EBF3: variants seen among roughly 807,000 people sequenced by gnomAD.
EBF3 encodes the protein EBF transcription factor 3.
A neutral mutation model predicts 77.1 loss-of-function variants in EBF3; 18 were observed. That is an observed-to-expected ratio of 0.23 (90% confidence interval 0.16 to 0.35). The LOEUF (loss-of-function observed/expected upper bound fraction) is 0.35, where lower values mean the gene tolerates loss of function less well. Ranked by LOEUF, EBF3 falls within the 10% of genes least tolerant of loss-of-function variation. EBF3 has a pLI of 1.00. For missense variants in EBF3, 558 were observed against 860.0 expected, an observed-to-expected ratio of 0.65 and a Z score of 4.39; for synonymous variants, 350 against 343.5, an observed-to-expected ratio of 1.02 and a Z score of -0.21.
At chr10:129,920,973 C>G (rs960571243) in intron 6 of EBF3, among the ~76,000 whole-genome samples, 11 of 152,120 alleles carry the variant, frequency 7.2e-5, no homozygotes, top group Admixed American at 6.5e-4. Flanking sequence ...TGTTGTGAGC[C>G]TGAGGTGCCC....
chr10:129,840,204 A>G (rs376749781), intron 15 of EBF3, 41 bp downstream of exon 15: 73 of 775,066 alleles, frequency 9.4e-5, no homozygotes, highest in Non-Finnish European at 1.5e-4. Context: ...CCACCCCTGG[A>G]GAGGACCCAG....
chr10:129,950,799 CAA>C lies in EBF3; in HGVS notation c.554+6457_554+6458del, dbSNP rs556920187. Among the ~76,000 whole-genome samples, 86 of 152,246 alleles carry C rather than the reference CAA, an allele frequency of 5.6e-4. No homozygotes were observed. The South Asian group carries it at 0.018, about 31-fold the overall frequency. On this transcript the variant is annotated intron_variant, in intron 6 of 16. Transcript: ENST00000440978. ...GAGATTTGCTATTAAGATAAACAAA[CAA>C]GAGGAGCTTGTGTTCTGGCAAGCTG...
At chr10:129,934,970 C>A (rs1165974390) in intron 6 of EBF3, among the ~76,000 whole-genome samples, 1 of 152,114 alleles carries the variant, frequency 6.6e-6, no homozygotes, top group East Asian at 1.9e-4. Flanking sequence ...GGTGAGCTCA[C>A]CTTGAACAAG....
chr10:129,889,375 G>A (rs945950709), intron 6 of EBF3, among the ~76,000 whole-genome samples: 1 of 152,246 alleles, frequency 6.6e-6, no homozygotes, highest in African/African-American at 2.4e-5. Flanking sequence ...AAACGCCAGG[G>A]TGGGCGGGCA....
At chr10:129,957,107 G>T in intron 6 of EBF3, 151 bp downstream of exon 6, 1 of 614,792 alleles carries the variant, frequency 1.6e-6, no homozygotes. Context: ...ACCCACCTGT[G>T]CATGATAACA....
intron 6 of EBF3, among the ~76,000 whole-genome samples, chr10:129,942,552 G>T (rs1486581452): frequency 6.6e-6 from 1 of 152,158 alleles, no homozygotes; most frequent in Non-Finnish European, 1.5e-5. Flanking sequence ...GGGACAGTCA[G>T]GTCAAACCCA....
At position 129,935,019 on chromosome 10, in the gene EBF3, T is replaced by C. The variant is rs955897629; in HGVS notation, c.554+22239A>G. Among the ~76,000 whole-genome samples the C allele has an allele frequency of 3.9e-5, 6 of 152,172 alleles. No homozygotes were observed. In the South Asian group the frequency reaches 1.0e-3, roughly 26 times the overall value. Reference sequence around the variant, plus strand: ...CCTGGTGGTGATCTAACTAGATCAATAACAAGTAATGTTTAAGATAAGTAC... The same window carrying C: ...CCTGGTGGTGATCTAACTAGATCAACAACAAGTAATGTTTAAGATAAGTAC... On this transcript the variant is annotated intron_variant, in intron 6 of 16. Transcript: ENST00000440978. This position sits in a 1 kb window ranked among gnomAD's most constrained non-coding sequence, Gnocchi z 4.2.
chr10:129,886,678 C>T (rs1009386318), intron 6 of EBF3, among the ~76,000 whole-genome samples: 2 of 151,986 alleles, frequency 1.3e-5, no homozygotes, highest in East Asian at 1.9e-4. Flanking sequence ...TTTTGCAGGT[C>T]GTCATTGTCT....
At chr10:129,959,028 G>A (rs1442157226) in intron 4 of EBF3, 21 bp from the exon 5 acceptor site, 2 of 1,596,598 alleles carry the variant, frequency 1.3e-6, no homozygotes, top group African/African-American at 1.4e-5. Context: ...GACAAGCAGA[G>A]GCTGGGGTTA....
At chr10:129,847,357 G>A (rs537022221) in intron 11 of EBF3, among the ~76,000 whole-genome samples, 9 of 152,180 alleles carry the variant, frequency 5.9e-5, no homozygotes, top group South Asian at 2.1e-4. Flanking sequence ...GATTCTTCCC[G>A]GGGAAACACT....
chr10:129,959,265 A>C (rs2134626564), intron 4 of EBF3, among the ~76,000 whole-genome samples: 1 of 151,916 alleles, frequency 6.6e-6, no homozygotes, highest in Admixed American at 6.5e-5. Flanking sequence ...GGCTGCAGGG[A>C]AGGCGCCGAC....
At position 129,838,787 on chromosome 10, in the gene EBF3, G is replaced by A. The variant is rs554365173; in HGVS notation, c.1872+296C>T. 3.3e-5 allele frequency among the ~76,000 whole-genome samples: 5 copies of A among 152,356 alleles called. No homozygotes were observed. In the South Asian group the frequency reaches 6.2e-4, roughly 19 times the overall value. ...AATACATTTGTTCATGTAGTGACGT[G>A]AGCTTCAATTTCTCAGTTCATTAAT... On this transcript the variant is annotated intron_variant, in intron 16 of 16. Transcript: ENST00000440978.
At chr10:129,866,223 G>T (rs1852004581) in intron 10 of EBF3, among the ~76,000 whole-genome samples, 1 of 152,136 alleles carries the variant, frequency 6.6e-6, no homozygotes, top group African/African-American at 2.4e-5. Context: ...CCGGGCTCAG[G>T]TGATCCTCCC....
At chr10:129,886,765 G>C (rs544787143) in intron 6 of EBF3, among the ~76,000 whole-genome samples, 227 of 152,110 alleles carry the variant, frequency 1.5e-3, no homozygotes, top group Non-Finnish European at 2.7e-3. Flanking sequence ...GGTCTGCAGG[G>C]GAGTTAGCTC....
intron 6 of EBF3, among the ~76,000 whole-genome samples, chr10:129,949,412 A>G (rs1858490984): frequency 1.3e-5 from 2 of 152,204 alleles, no homozygotes; most frequent in Admixed American, 1.3e-4. Context: ...CAGTGCCAAG[A>G]AGACTAAGCC....
intron 6 of EBF3, among the ~76,000 whole-genome samples, chr10:129,918,506 G>T (rs1856044999): frequency 6.6e-6 from 1 of 152,222 alleles, no homozygotes; most frequent in South Asian, 2.1e-4. Context: ...AAGTAATGGA[G>T]CTTGGAGCTG....
chr10:129,949,246 A>G (rs1452145411), intron 6 of EBF3, among the ~76,000 whole-genome samples: 1 of 152,238 alleles, frequency 6.6e-6, no homozygotes, highest in Non-Finnish European at 1.5e-5. Flanking sequence ...GGTTGCGGTG[A>G]GCCGAGATCG....
intron 6 of EBF3, among the ~76,000 whole-genome samples, chr10:129,945,080 GGAAGAGAGGA>G: frequency 1.6e-5 from 1 of 60,870 alleles, no homozygotes; most frequent in South Asian, 1.4e-3. Flanking sequence ...GGAGGGGAGG[GGAAGAGAGGA>G]GAAGGGAGGG....
intron 6 of EBF3, among the ~76,000 whole-genome samples, chr10:129,915,837 A>T (rs1376758679): frequency 6.6e-6 from 1 of 152,212 alleles, no homozygotes; most frequent in African/African-American, 2.4e-5. Flanking sequence ...AGGGGCTGGC[A>T]GAGGGGGTGG....
Sources: allele counts gnomAD v4.1 joint callset (sites outside exome capture counted in the v4.1 genomes callset), GRCh38; gene constraint gnomAD v4.1.1; non-coding constraint Gnocchi (gnomAD v3.1); transcripts MANE v1.5; gene names NCBI Gene and HGNC (gene_info 2026-07-23, HGNC 2026-07-21).